Variants in TIMP2 observed in about 807,000 individuals in gnomAD.
TIMP2 encodes the protein TIMP metallopeptidase inhibitor 2.
In TIMP2, 5 loss-of-function variants were observed where a neutral mutation model predicts 24.3. That is an observed-to-expected ratio of 0.21 (90% CI 0.11 to 0.43). The LOEUF (loss-of-function observed/expected upper bound fraction) is 0.43. Ranked by LOEUF, TIMP2 falls within the 20% of genes least tolerant of loss-of-function variation. The pLI, the probability that TIMP2 is intolerant of heterozygous loss-of-function variation, is 1.00. For missense variants in TIMP2, 221 were observed against 297.5 expected (o/e 0.74, Z 1.89); for synonymous variants, 130 against 123.2 (o/e 1.06, Z -0.37).
intron 1 of TIMP2, among the ~76,000 whole-genome samples, chr17:78,885,294 G>C (rs140570359): frequency 2.6e-5 from 4 of 152,374 alleles, no homozygotes; most frequent in African/African-American, 7.2e-5. Flanking sequence ...GGGGGCAGAA[G>C]CACCAAACCA....
rs750928766 is a variant in TIMP2, at chr17:78,891,760, C to T, written c.131-17841G>A. ...CGAGTGGGTTTGACCTTTCTAGGTC[C>T]GCCCCTTTGCTCCTCCGAGGATGGA... On this transcript the variant is annotated intron_variant, in intron 1 of 4. Coordinates refer to ENST00000262768, the MANE Select transcript of TIMP2 (RefSeq NM_003255.5). This position sits in a 1 kb window ranked among gnomAD's most constrained non-coding sequence, Gnocchi z 4.5. 1.2e-5 allele frequency: 18 copies of T among 1,551,070 alleles called. No homozygotes were observed. Among genetic ancestry groups the T allele is most frequent in the Middle Eastern group, 1.7e-4 (1 of 6,018 alleles).
intron 1 of TIMP2, among the ~76,000 whole-genome samples, chr17:78,889,307 A>G (rs942969347): frequency 7.9e-5 from 12 of 152,328 alleles, no homozygotes; most frequent in African/African-American, 2.4e-4. Flanking sequence ...TGGCAAAGCT[A>G]GCGGGGAGGA....
chr17:78,913,766 C>T (rs1422595411), intron 1 of TIMP2, among the ~76,000 whole-genome samples: 5 of 151,816 alleles, frequency 3.3e-5, no homozygotes, highest in Non-Finnish European at 5.9e-5. Flanking sequence ...GTGGCTCACA[C>T]CTGTAATCCC....
intron 1 of TIMP2, among the ~76,000 whole-genome samples, chr17:78,889,997 T>C (rs542079347): frequency 6.6e-6 from 1 of 152,144 alleles, no homozygotes; most frequent in East Asian, 1.9e-4. Context: ...CAGGCGCCTA[T>C]AATCCCAGCT....
chr17:78,907,499 C>T (rs1051938823), intron 1 of TIMP2, among the ~76,000 whole-genome samples: 1 of 152,172 alleles, frequency 6.6e-6, no homozygotes, highest in South Asian at 2.1e-4. Context: ...CTCATGTGGG[C>T]ACAGTTCATG....
intron 2 of TIMP2, among the ~76,000 whole-genome samples, chr17:78,872,242 C>T (rs998332861): frequency 1.3e-5 from 2 of 151,888 alleles, no homozygotes; most frequent in Non-Finnish European, 2.9e-5. Context: ...CCTCCTGCCT[C>T]GGCCTCCCAA....
At chr17:78,912,295 T>A (rs112249714) in intron 1 of TIMP2, among the ~76,000 whole-genome samples, 11,580 of 152,256 alleles carry the variant, frequency 0.076, 499 homozygotes, top group Middle Eastern at 0.13. Flanking sequence ...GGGTGCTCTG[T>A]CCAGGCCTCC....
chr17:78,873,749 C>T, intron 2 of TIMP2, 70 bp downstream of exon 2: 1 of 1,337,862 alleles, frequency 7.5e-7, no homozygotes, highest in Middle Eastern at 1.8e-4. Context: ...GGGACCCAGG[C>T]TCTCTGCCAA....
chr17:78,870,415 CAAA>C (rs899523959), intron 3 of TIMP2, among the ~76,000 whole-genome samples: 1 of 46,996 alleles, frequency 2.1e-5, no homozygotes, highest in South Asian at 4.0e-4. Context: ...CACTCTGTCT[CAAA>C]AAAAAAGAAA....
chr17:78,883,875 C>T (rs568984962), intron 1 of TIMP2, among the ~76,000 whole-genome samples: 5 of 152,344 alleles, frequency 3.3e-5, no homozygotes, highest in South Asian at 2.1e-4. Context: ...TCGGGGCCCA[C>T]GTCCCGCTGC....
At chr17:78,903,690 C>T (rs1040117173) in intron 1 of TIMP2, among the ~76,000 whole-genome samples, 8 of 152,130 alleles carry the variant, frequency 5.3e-5, no homozygotes, top group Non-Finnish European at 1.2e-4. Context: ...AGAAGCCACA[C>T]GTACTTGGCC....
chr17:78,894,758 A>C (rs1209048566), intron 1 of TIMP2, among the ~76,000 whole-genome samples: 1 of 152,190 alleles, frequency 6.6e-6, no homozygotes, highest in African/African-American at 2.4e-5. Flanking sequence ...CTTAGATACA[A>C]CACCAAAAGC....
chr17:78,856,173 C>T (rs1330362367), intron 4 of TIMP2: 1 of 408,196 alleles, frequency 2.4e-6, no homozygotes, highest in Non-Finnish European at 4.6e-6. Flanking sequence ...CTCTGGGGGA[C>T]ACAGCAACAA....
At chr17:78,889,672 C>T (rs183699667) in intron 1 of TIMP2, among the ~76,000 whole-genome samples, 1 of 152,192 alleles carries the variant, frequency 6.6e-6, no homozygotes, top group Admixed American at 6.5e-5. Flanking sequence ...GTGCCTGTGG[C>T]CCCTGAAAAC....
In TIMP2 at chr17:78,859,332, A is replaced by G. The variant is rs986435958; in HGVS notation, c.341-1686T>C. 2.0e-4 allele frequency among the ~76,000 whole-genome samples: 30 copies of G among 152,208 alleles called. 1 individual carries two copies. The highest frequency in any genetic ancestry group is 2.0e-3 in the Admixed American group (30 of 15,266). On this transcript the variant is annotated intron_variant, in intron 3 of 4. Transcript: ENST00000262768. ...AAAGCAGTGTGTTCCAGTGGCTGAC[A>G]GAACCTAATGACAGCTATGGAAGTC...
chr17:78,855,400 TC>T lies in TIMP2; in HGVS notation c.*266del, dbSNP rs983436174. The T allele has an allele frequency of 8.8e-5, 45 of 513,778 alleles. No individual in the cohort carries two copies. In the Admixed American group the frequency reaches 9.4e-4, roughly 11 times the overall value. The allele number at this position is 513,778 out of a possible 1,614,324, so 31.8% of individuals were successfully genotyped here. A position where few individuals can be genotyped will look rare whatever the true frequency, so the allele number is the denominator to read the frequency against. On this transcript the variant is annotated 3_prime_UTR_variant, in exon 5 of 5. Coordinates refer to ENST00000262768, the MANE Select transcript of TIMP2 (RefSeq NM_003255.5). This position sits in a 1 kb window ranked among gnomAD's most constrained non-coding sequence, Gnocchi z 6.0. ...CAGGGACTGGGAGGGAAGCCGCGTGTCCCAGCCCTGCCTGCACCCAAGGATC... is the reference window on the plus strand; with the variant it reads ...CAGGGACTGGGAGGGAAGCCGCGTGTCCAGCCCTGCCTGCACCCAAGGATC...
At chr17:78,856,732 G>C (rs2069527230) in intron 4 of TIMP2, 1 of 152,298 alleles carries the variant, frequency 6.6e-6, no homozygotes, top group African/African-American at 2.4e-5. Context: ...TTTAAGAGGA[G>C]CAGGTGTTCA....
At chr17:78,867,768 T>C (rs2069631037) in intron 3 of TIMP2, among the ~76,000 whole-genome samples, 1 of 151,116 alleles carries the variant, frequency 6.6e-6, no homozygotes, top group African/African-American at 2.4e-5. Flanking sequence ...GCTAATTTTT[T>C]TTTTGTATTT....
intron 1 of TIMP2, chr17:78,892,345 T>A: frequency 6.4e-7 from 1 of 1,550,658 alleles, no homozygotes; most frequent in Non-Finnish European, 8.7e-7. Flanking sequence ...TGTTCCTGTC[T>A]GCGAACCCAG....
Sources: gnomAD v4.1 joint callset for allele counts (sites outside exome capture counted in the v4.1 genomes callset) on GRCh38, gnomAD v4.1.1 for gene constraint, Gnocchi (gnomAD v3.1) non-coding constraint, MANE v1.5 for transcripts, NCBI Gene and HGNC (gene_info 2026-07-23, HGNC 2026-07-21) for gene names.